Variants in TRIO observed in about 807,000 individuals in gnomAD.
The protein encoded by TRIO is trio Rho guanine nucleotide exchange factor.
Under a neutral mutation model 351.9 loss-of-function variants are expected in TRIO, and 58 were observed. That is an observed-to-expected ratio of 0.16 (90% CI 0.13 to 0.21). TRIO has a LOEUF of 0.21. Among genes scored for constraint, TRIO ranks in the 10% least tolerant of loss-of-function variants. The pLI, the probability that TRIO is intolerant of heterozygous loss-of-function variation, is 1.00. For synonymous variants in TRIO, 1,758 were observed against 1,595.7 expected (o/e 1.10, Z -2.42); for missense variants, 3,201 against 4,027.8 (o/e 0.79, Z 5.56).
intron 23 of TRIO, among the ~76,000 whole-genome samples, 173 bp from the exon 24 acceptor site, chr5:14,388,440 T>C (rs1395525001): frequency 6.6e-6 from 1 of 152,192 alleles, no homozygotes; most frequent in Admixed American, 6.5e-5. Flanking sequence ...AAATCTTTTT[T>C]TCCCCTTTGA....
At chr5:14,230,123 C>CTCATATA (rs1303140582) in intron 1 of TRIO, among the ~76,000 whole-genome samples, 1 of 152,210 alleles carries the variant, frequency 6.6e-6, no homozygotes, top group Admixed American at 6.5e-5. Flanking sequence ...TTATGAGCCA[C>CTCATATA]TTTGCCACTG....
At chr5:14,363,347 T>A (rs1744319623) in intron 13 of TRIO, among the ~76,000 whole-genome samples, 1 of 152,226 alleles carries the variant, frequency 6.6e-6, no homozygotes. Flanking sequence ...TTCTTTTCTT[T>A]CTTTTTGACT....
intron 34 of TRIO, among the ~76,000 whole-genome samples, chr5:14,433,079 ATAAT>A (rs1164138598): frequency 6.6e-6 from 1 of 152,250 alleles, no homozygotes; most frequent in Non-Finnish European, 1.5e-5. Context: ...AGTTCTGTAA[ATAAT>A]CCACAATGCT....
intron 24 of TRIO, 83 bp from the exon 25 acceptor site, chr5:14,389,206 G>C (rs1242956128): frequency 2.9e-5 from 29 of 1,009,382 alleles, no homozygotes; most frequent in Non-Finnish European, 3.6e-5. Context: ...CATTAACTCT[G>C]TGTGTTTACA....
chr5:14,498,689 T>G (rs762900993), intron 53 of TRIO, 49 bp downstream of exon 53: 1 of 1,595,740 alleles, frequency 6.3e-7, no homozygotes, highest in African/African-American at 1.3e-5. Flanking sequence ...GGGCACGTCT[T>G]TCAGGAGTCT....
intron 2 of TRIO, among the ~76,000 whole-genome samples, chr5:14,279,366 T>C (rs1285885662): frequency 2.0e-5 from 3 of 152,198 alleles, no homozygotes; most frequent in African/African-American, 7.2e-5. Flanking sequence ...GGTTTTTTTT[T>C]ATTTGTTTGC....
chr5:14,488,447 T>C, intron 48 of TRIO, 187 bp downstream of exon 48: 2 of 798,790 alleles, frequency 2.5e-6, no homozygotes, highest in Non-Finnish European at 3.8e-6. Context: ...ACTCCTTGCT[T>C]TGTTCGTGTC....
chr5:14,454,089 C>G (rs760142114), intron 34 of TRIO, among the ~76,000 whole-genome samples: 1 of 152,096 alleles, frequency 6.6e-6, no homozygotes, highest in Non-Finnish European at 1.5e-5. Context: ...GACACGATGC[C>G]AACTAATTTT....
At chr5:14,383,733 T>G (rs1746315576) in intron 21 of TRIO, among the ~76,000 whole-genome samples, 1 of 152,190 alleles carries the variant, frequency 6.6e-6, no homozygotes, top group Non-Finnish European at 1.5e-5. Flanking sequence ...TTTCTTTGGT[T>G]TCTGACTGCC....
At chr5:14,413,805 G>A (rs184890251) in intron 33 of TRIO, among the ~76,000 whole-genome samples, 106 of 152,258 alleles carry the variant, frequency 7.0e-4, no homozygotes, top group Non-Finnish European at 1.2e-3. Flanking sequence ...GTGCTATTTA[G>A]TGTAAATTTT....
intron 15 of TRIO, among the ~76,000 whole-genome samples, 168 bp from the exon 16 acceptor site, chr5:14,366,692 A>G (rs1206959078): frequency 6.6e-6 from 1 of 152,220 alleles, no homozygotes; most frequent in Non-Finnish European, 1.5e-5. Context: ...GTCAGGTACC[A>G]TGGAAGAACA....
chr5:14,469,955 G>A (rs771910246), intron 37 of TRIO, among the ~76,000 whole-genome samples: 2 of 152,224 alleles, frequency 1.3e-5, no homozygotes, highest in Non-Finnish European at 2.9e-5. Flanking sequence ...CAGCTGTCCA[G>A]GTGGGGGATG....
chr5:14,208,830 T>C (rs1241463371), intron 1 of TRIO, among the ~76,000 whole-genome samples: 1 of 152,200 alleles, frequency 6.6e-6, no homozygotes, highest in African/African-American at 2.4e-5. Flanking sequence ...TCATAAGTGT[T>C]ACCTACCTGA....
intron 1 of TRIO, 107 bp downstream of exon 1, chr5:14,143,989 C>G: frequency 1.1e-6 from 1 of 870,358 alleles, no homozygotes; most frequent in Non-Finnish European, 1.4e-6. Context: ...GCCCGCCCGT[C>G]CGTCCGTCGG....
rs77109414 is a variant in TRIO, at chr5:14,371,248, A to G, written c.3216+1725A>G. On this transcript the variant is annotated intron_variant, in intron 18 of 56. Transcript: ENST00000344204. ...TGACTTACGATTTTTTTGACTTACA[A>G]TGGGTTTATCAGGATAAGTCAAGGA... 6.6e-3 allele frequency among the ~76,000 whole-genome samples: 1,003 copies of G among 152,288 alleles called. 77 individuals carry two copies. In the East Asian group the frequency reaches 0.17, roughly 26 times the overall value.
At chr5:14,302,638 A>G (rs1738000443) in intron 7 of TRIO, among the ~76,000 whole-genome samples, 1 of 152,382 alleles carries the variant, frequency 6.6e-6, no homozygotes, top group Middle Eastern at 3.4e-3. Context: ...AAGGATTTCC[A>G]TAAACAGTTA....
At chr5:14,163,351 C>T (rs1390483565) in intron 1 of TRIO, among the ~76,000 whole-genome samples, 1 of 152,148 alleles carries the variant, frequency 6.6e-6, no homozygotes, top group Non-Finnish European at 1.5e-5. Flanking sequence ...GAAATGAACT[C>T]ATTCTTTTTT....
intron 33 of TRIO, among the ~76,000 whole-genome samples, chr5:14,416,450 T>C (rs1039687947): frequency 1.3e-5 from 2 of 152,172 alleles, no homozygotes; most frequent in African/African-American, 4.8e-5. Context: ...CCTCTCTTTT[T>C]GGGTAAAGCC....
In TRIO at chr5:14,473,958, C is replaced by G; in HGVS notation, c.5980-36C>G. 2.5e-6 allele frequency: 4 copies of G among 1,584,254 alleles called. No homozygotes were observed. The South Asian group carries it at 4.5e-5, about 18-fold the overall frequency. On this transcript the variant is annotated intron_variant, in intron 39 of 56. Coordinates refer to ENST00000344204, the MANE Select transcript of TRIO (RefSeq NM_007118.4). ...AGCCACTAGTTGATTCAGACATATT[C>G]CATGAAATACACTTATCATAACTGT...
Sources: allele counts gnomAD v4.1 joint callset (sites outside exome capture counted in the v4.1 genomes callset), GRCh38; gene constraint gnomAD v4.1.1; transcripts MANE v1.5; gene names NCBI Gene and HGNC (gene_info 2026-07-23, HGNC 2026-07-21).